Variants in IMMP2L observed in about 807,000 individuals in gnomAD.
IMMP2L encodes the protein inner mitochondrial membrane peptidase subunit 2.
Under a neutral mutation model 19.3 loss-of-function variants are expected in IMMP2L, and 18 were observed. That is an observed-to-expected ratio of 0.93 (90% confidence interval 0.64 to 1.38). The LOEUF (loss-of-function observed/expected upper bound fraction) is 1.38. Ranked by LOEUF, IMMP2L falls within the 40% of genes most tolerant of loss-of-function variation. The probability of loss-of-function intolerance (pLI) is 0.00; values close to 1 mark genes in which losing one functional copy is unlikely to be tolerated. For missense variants in IMMP2L, 233 were observed against 218.2 expected (o/e 1.07, Z -0.43); for synonymous variants, 76 against 73.0 (o/e 1.04, Z -0.21).
intron 3 of IMMP2L, among the ~76,000 whole-genome samples, chr7:111,305,126 A>G (rs936323955): frequency 2.0e-5 from 3 of 152,078 alleles, no homozygotes; most frequent in African/African-American, 7.2e-5. Flanking sequence ...ATGAAATGGC[A>G]TCTCCAGAGT....
At chr7:111,168,745 A>G (rs190532178) in intron 3 of IMMP2L, among the ~76,000 whole-genome samples, 129 of 152,062 alleles carry the variant, frequency 8.5e-4, no homozygotes, top group African/African-American at 2.9e-3. Context: ...TCTGTAGGAA[A>G]TAATTTGTCA....
intron 3 of IMMP2L, chr7:111,411,249 CTG>C (rs1182057099): frequency 5.4e-6 from 1 of 183,848 alleles, no homozygotes; most frequent in Non-Finnish European, 1.2e-5. Flanking sequence ...TAGAAAAAAA[CTG>C]TGAGACTAAA....
At chr7:111,252,035 G>GA (rs1816194543) in intron 3 of IMMP2L, among the ~76,000 whole-genome samples, 1 of 151,176 alleles carries the variant, frequency 6.6e-6, no homozygotes, top group South Asian at 2.1e-4. Flanking sequence ...GACATGAACA[G>GA]AAAAAAAGAA....
intron 1 of IMMP2L, among the ~76,000 whole-genome samples, chr7:111,526,890 T>A (rs928506286): frequency 6.6e-6 from 1 of 152,176 alleles, no homozygotes; most frequent in South Asian, 2.1e-4. Flanking sequence ...GCCACAGCTA[T>A]CTTAGTTATA....
intron 3 of IMMP2L, among the ~76,000 whole-genome samples, chr7:111,456,682 G>C (rs1364120396): frequency 6.6e-6 from 1 of 151,144 alleles, no homozygotes; most frequent in Non-Finnish European, 1.5e-5. Context: ...ATTGTTGAAG[G>C]CTACAATATT....
At chr7:111,347,462 C>T (rs1004182172) in intron 3 of IMMP2L, among the ~76,000 whole-genome samples, 9 of 152,026 alleles carry the variant, frequency 5.9e-5, no homozygotes, top group Non-Finnish European at 8.8e-5. Flanking sequence ...TGTTTTGCTC[C>T]AAAGCCCCTA....
intron 3 of IMMP2L, among the ~76,000 whole-genome samples, chr7:111,151,837 G>A (rs1261007034): frequency 6.6e-6 from 1 of 152,142 alleles, no homozygotes; most frequent in Non-Finnish European, 1.5e-5. Context: ...TCAGGAGGCT[G>A]AGGCACAAGA....
In IMMP2L at chr7:111,213,879, A is replaced by G. The variant is rs1190266006; in HGVS notation, c.240-250314T>C. On this transcript the variant is annotated intron_variant, in intron 3 of 5. Transcript: ENST00000405709. This position sits in a 1 kb window ranked among gnomAD's most constrained non-coding sequence, Gnocchi z 4.8. ...AATAAAGTTCCTCTTTGCCTTGTTC[A>G]TGTGACAGTCCTACAAATGTACCCC... is the stretch of plus-strand genomic sequence containing the variant. Among the ~76,000 whole-genome samples the G allele has an allele frequency of 1.3e-5, 2 of 152,136 alleles. No homozygotes were observed. The highest frequency in any genetic ancestry group is 2.4e-5 in the African/African-American group (1 of 41,416).
chr7:111,223,301 T>C (rs2129621126), intron 3 of IMMP2L, among the ~76,000 whole-genome samples: 1 of 152,054 alleles, frequency 6.6e-6, no homozygotes, highest in South Asian at 2.1e-4. Flanking sequence ...GCTAGAAAAA[T>C]GTTAAAATAC....
intron 3 of IMMP2L, among the ~76,000 whole-genome samples, chr7:111,275,746 T>C (rs973725168): frequency 2.0e-5 from 3 of 152,198 alleles, no homozygotes; most frequent in Non-Finnish European, 4.4e-5. Flanking sequence ...TAGTTCTACA[T>C]ATAGAGATCT....
At chr7:111,500,260 G>C (rs567142886) in intron 2 of IMMP2L, among the ~76,000 whole-genome samples, 1 of 152,166 alleles carries the variant, frequency 6.6e-6, no homozygotes, top group African/African-American at 2.4e-5. Flanking sequence ...GCTGGGGAAG[G>C]GGCGCCTGCC....
At chr7:110,717,915 T>G (rs939586943) in intron 5 of IMMP2L, among the ~76,000 whole-genome samples, 5 of 152,230 alleles carry the variant, frequency 3.3e-5, no homozygotes, top group Non-Finnish European at 1.5e-5. Context: ...TGAGAACACT[T>G]TTTGTAAGTT....
At chr7:111,419,709 C>A (rs1241478845) in intron 3 of IMMP2L, among the ~76,000 whole-genome samples, 1 of 151,364 alleles carries the variant, frequency 6.6e-6, no homozygotes, top group Admixed American at 6.6e-5. Context: ...GTGTTCTGAC[C>A]ACCATGGGCA....
intron 3 of IMMP2L, among the ~76,000 whole-genome samples, chr7:110,976,666 G>T (rs1173711024): frequency 6.6e-6 from 1 of 151,950 alleles, no homozygotes; most frequent in East Asian, 1.9e-4. Flanking sequence ...AAGTCTAGAA[G>T]GTTAGGCCCT....
Position 111,110,945 on chromosome 7 carries a change from T to C in IMMP2L, c.240-147380A>G, listed in dbSNP as rs189571146. On this transcript the variant is annotated intron_variant, in intron 3 of 5. Coordinates refer to ENST00000405709, the MANE Select transcript of IMMP2L (RefSeq NM_032549.4). ...AATCTAACACTATTCATTTTATCCA[T>C]AAAAATGTATTAAATCCTAACCTGT... 6.0e-3 allele frequency among the ~76,000 whole-genome samples: 907 copies of C among 152,256 alleles called. 7 individuals carry two copies. Among genetic ancestry groups the C allele is most frequent in the Middle Eastern group, 0.027 (8 of 294 alleles).
rs558433169 is a variant in IMMP2L at position 111,335,080 on chromosome 7, C to T, written c.239+152158G>A. Among the ~76,000 whole-genome samples, 8 of 152,030 alleles carry T rather than the reference C, an allele frequency of 5.3e-5. No individual in the cohort carries two copies. In the South Asian group the frequency reaches 1.7e-3, roughly 32 times the overall value. ...AAGCTCAGCTGAGATTCACACTTAC[C>T]GATGCTCTTCTGGAATCTAAACCTT... On this transcript the variant is annotated intron_variant, in intron 3 of 5. Transcript: ENST00000405709.
intron 3 of IMMP2L, among the ~76,000 whole-genome samples, chr7:111,355,619 T>C (rs1366333927): frequency 2.6e-5 from 4 of 151,710 alleles, no homozygotes; most frequent in African/African-American, 7.2e-5. Context: ...AGGGAAAAAA[T>C]AGAATAGAAA....
At chr7:110,745,295 C>T (rs1045508247) in intron 5 of IMMP2L, among the ~76,000 whole-genome samples, 7 of 152,098 alleles carry the variant, frequency 4.6e-5, no homozygotes, top group South Asian at 4.1e-4. Flanking sequence ...CTGAAAGTGA[C>T]GGGGAGAATG....
At chr7:111,195,100 C>T (rs1221712420) in intron 3 of IMMP2L, among the ~76,000 whole-genome samples, 1 of 152,102 alleles carries the variant, frequency 6.6e-6, no homozygotes. Flanking sequence ...CTACATAAAA[C>T]TTACATTGTA....
Sources: gnomAD v4.1 joint callset for allele counts (sites outside exome capture counted in the v4.1 genomes callset) on GRCh38, gnomAD v4.1.1 for gene constraint, Gnocchi (gnomAD v3.1) non-coding constraint, MANE v1.5 for transcripts, NCBI Gene and HGNC (gene_info 2026-07-23, HGNC 2026-07-21) for gene names.